The following MRPS25 variants were observed in gnomAD, a reference collection of about 807,000 sequenced individuals.
MRPS25 encodes mitochondrial ribosomal protein S25, also known as small ribosomal subunit protein mS25.
MRPS25 carries 15 observed loss-of-function variants against 17.3 expected under a neutral mutation model. The observed-to-expected ratio is 0.87, with a 90% CI of 0.58 to 1.34. MRPS25 has a LOEUF of 1.34. Ranked by LOEUF, MRPS25 falls within the 40% of genes most tolerant of loss-of-function variation. The pLI is 0.00. For synonymous variants in MRPS25, 94 were observed against 83.3 expected (o/e 1.13, Z -0.70); for missense variants, 225 against 218.6 (o/e 1.03, Z -0.19).
Position 15,065,117 on chromosome 3 carries a change from G to A in MRPS25, c.78C>T (p.Ser26=). ...LSQGNVVFKD[S]VKVMTVNYNT... ...TGTAATTCACTGTCATGACCTTCAC[G>A]GAGTCCTTGAACACCACGTTCCCCT... The change falls in exon 1 of 4, where the codon TCC becomes TCT. Residue 26 remains serine (S), a synonymous_variant. Transcript: ENST00000253686. 1 of 1,609,144 alleles carries A rather than the reference G, an allele frequency of 6.2e-7. No individual in the cohort carries two copies. The highest frequency in any genetic ancestry group is 1.3e-5 in the African/African-American group (1 of 74,980).
chr3:15,055,702 C>T (rs1001642582), intron 2 of MRPS25, among the ~76,000 whole-genome samples: 2 of 152,056 alleles, frequency 1.3e-5, no homozygotes, highest in Admixed American at 6.5e-5. Flanking sequence ...CACTCAACCT[C>T]GGCAACAGTG....
chr3:15,056,406 C>A (rs1358342996), intron 2 of MRPS25, among the ~76,000 whole-genome samples: 1 of 152,158 alleles, frequency 6.6e-6, no homozygotes, highest in Non-Finnish European at 1.5e-5. Context: ...ATCCTAACCC[C>A]CAGAACCTTA....
intron 2 of MRPS25, among the ~76,000 whole-genome samples, chr3:15,057,451 C>A (rs186251713): frequency 1.3e-5 from 2 of 152,320 alleles, no homozygotes; most frequent in African/African-American, 4.8e-5. Flanking sequence ...TACTACCCAG[C>A]CAGAAGCAGC....
chr3:15,062,778 T>C (rs2042795697), intron 1 of MRPS25, among the ~76,000 whole-genome samples: 1 of 152,146 alleles, frequency 6.6e-6, no homozygotes, highest in African/African-American at 2.4e-5. Flanking sequence ...CCCCCAACCC[T>C]GTGCTCTCTG....
rs549227939 is a variant in MRPS25, at chr3:15,060,349, T to TA, written c.135-875dup. Among the ~76,000 whole-genome samples, 295 of 151,610 alleles carry TA rather than the reference T, an allele frequency of 1.9e-3. 2 individuals carry two copies. The highest frequency in any genetic ancestry group is 6.8e-3 in the African/African-American group (279 of 41,320). On this transcript the variant is annotated intron_variant, in intron 1 of 3. Coordinates refer to ENST00000253686, the MANE Select transcript of MRPS25 (RefSeq NM_022497.5). The stretch of plus-strand genomic sequence containing the variant: ...GCAATATAGGGAGACCCTGTCTCTA[T>TA]AAAAAAATTAAAAATTAGCTGGGCA...
chr3:15,065,120 G>C lies in MRPS25; in HGVS notation c.75C>G (p.Asp25Glu), dbSNP rs752917202. 1 of 1,609,380 alleles carries C rather than the reference G, an allele frequency of 6.2e-7. No individual in the cohort carries two copies. Among genetic ancestry groups the C allele is most frequent in the South Asian group, 1.1e-5 (1 of 89,936 alleles). Residue 25 changes from aspartate to glutamate, a missense_variant, in exon 1 of 4, where the codon GAC becomes GAG. Physicochemically the swap from Asp to Glu is conservative, Grantham distance 45. Coordinates refer to ENST00000253686, the MANE Select transcript of MRPS25 (RefSeq NM_022497.5). ...YLSQGNVVFK[D>E]SVKVMTVNYN... ...AATTCACTGTCATGACCTTCACGGA[G>C]TCCTTGAACACCACGTTCCCCTGGC...
At chr3:15,058,334 C>T (rs1481884533) in intron 2 of MRPS25, among the ~76,000 whole-genome samples, 7 of 152,268 alleles carry the variant, frequency 4.6e-5, no homozygotes, top group African/African-American at 9.6e-5. Flanking sequence ...GGACTACAGG[C>T]GCCCACCACC....
In MRPS25 at chr3:15,055,210, A is replaced by C. The variant is rs143920727; in HGVS notation, c.242-1743T>G. On this transcript the variant is annotated intron_variant, in intron 2 of 3. Coordinates refer to ENST00000253686, the MANE Select transcript of MRPS25 (RefSeq NM_022497.5). Reference sequence around the variant, plus strand: ...TTCATGAGAAACCGCCCCCACGGTGACTAGGACTCGTACTCCCATGGAGCA... The same window carrying C: ...TTCATGAGAAACCGCCCCCACGGTGCCTAGGACTCGTACTCCCATGGAGCA... Among the ~76,000 whole-genome samples the C allele has an allele frequency of 4.4e-3, 672 of 152,332 alleles. 1 individual carries two copies. Among genetic ancestry groups the C allele is most frequent in the African/African-American group, 0.015 (642 of 41,566 alleles).
intron 1 of MRPS25, among the ~76,000 whole-genome samples, chr3:15,063,487 C>G (rs6773717): frequency 0.27 from 40,631 of 151,982 alleles, 5,709 homozygotes; most frequent in Middle Eastern, 0.34. Context: ...TGGGGGAGGA[C>G]TGCGGCTAGC....
Position 15,050,820 on chromosome 3 carries a change from C to T in MRPS25, c.*1621G>A, listed in dbSNP as rs1214254499. ...CCCAAACCCAGATCTGGTACAGAAT[C>T]AAACTTGAGCATCAAATGTAAAAGA... On this transcript the variant is annotated 3_prime_UTR_variant, in exon 4 of 4. Coordinates refer to ENST00000253686, the MANE Select transcript of MRPS25 (RefSeq NM_022497.5). The T allele has an allele frequency of 1.0e-6, 1 of 985,198 alleles. No homozygotes were observed. Among genetic ancestry groups the T allele is most frequent in the Non-Finnish European group, 1.2e-6 (1 of 829,886 alleles). 61.0% of individuals were successfully genotyped at this position (985,198 alleles called of 1,614,324 possible).
intron 1 of MRPS25, among the ~76,000 whole-genome samples, chr3:15,061,591 C>T (rs978896407): frequency 3.3e-5 from 5 of 152,222 alleles, no homozygotes; most frequent in Non-Finnish European, 7.3e-5. Flanking sequence ...AGCCGCCTGC[C>T]TTGGCCTCCC....
intron 2 of MRPS25, among the ~76,000 whole-genome samples, chr3:15,055,954 C>T (rs998046176): frequency 1.3e-5 from 2 of 151,504 alleles, no homozygotes; most frequent in African/African-American, 4.9e-5. Flanking sequence ...TGGCTCATGC[C>T]TGTAATCCCA....
rs1271313557 is a variant in MRPS25 at position 15,050,158 on chromosome 3, C to CA, written c.*2282dup. The CA allele has an allele frequency of 3.1e-6, 4 of 1,307,386 alleles. No individual in the cohort carries two copies. Among genetic ancestry groups the CA allele is most frequent in the Non-Finnish European group, 3.9e-6 (4 of 1,035,344 alleles). The allele number at this position is 1,307,386 out of a possible 1,614,324, so 81.0% of individuals were successfully genotyped here. ...CCAGGATCAAGTAGCCTACAGGGAACAAAAAAAGAAAATAATGTTTATTTC... is the reference window on the plus strand; with the variant it reads ...CCAGGATCAAGTAGCCTACAGGGAACAAAAAAAAGAAAATAATGTTTATTTC... On this transcript the variant is annotated 3_prime_UTR_variant, in exon 4 of 4. Transcript: ENST00000253686.
Position 15,050,168 on chromosome 3 carries a change from A to C in MRPS25, c.*2273T>G. 1 of 1,283,930 alleles carries C rather than the reference A, an allele frequency of 7.8e-7. No individual in the cohort carries two copies. The highest frequency in any genetic ancestry group is 9.8e-7 in the Non-Finnish European group (1 of 1,020,362). The allele number at this position is 1,283,930 out of a possible 1,614,324, so 79.5% of individuals were successfully genotyped here. A position where few individuals can be genotyped will look rare whatever the true frequency, so the allele number is the denominator to read the frequency against. ...GTAGCCTACAGGGAACAAAAAAAGA[A>C]AATAATGTTTATTTCCACAAATTAT... is the stretch of plus-strand genomic sequence containing the variant. On this transcript the variant is annotated 3_prime_UTR_variant, in exon 4 of 4. Transcript: ENST00000253686.
At chr3:15,044,206 C>G (rs758655762), downstream of MRPS25, 4 of 152,158 alleles carry the variant, frequency 2.6e-5, no homozygotes, top group Non-Finnish European at 5.9e-5. Flanking sequence ...GGTTTCAGGA[C>G]AATTTCTTCC....
At chr3:15,061,870 G>C (rs1415651411) in intron 1 of MRPS25, among the ~76,000 whole-genome samples, 1 of 148,998 alleles carries the variant, frequency 6.7e-6, no homozygotes, top group Admixed American at 6.7e-5. Flanking sequence ...CAGCCACCCC[G>C]TCTGAGAAGG....
chr3:15,053,410 T>C lies in MRPS25; in HGVS notation c.299A>G (p.Glu100Gly). ...VETKSNKEIM[E>G]HIRKILGKNE... Reference sequence around the variant, plus strand: ...CTTCCCCAAGATTTTTCTGATGTGCTCCATGATCTCCTTATTGCTCTTGGT... The same window carrying C: ...CTTCCCCAAGATTTTTCTGATGTGCCCCATGATCTCCTTATTGCTCTTGGT... Residue 100 changes from glutamate (E) to glycine (G), a missense_variant, in exon 3 of 4, where the codon GAG becomes GGG. Glu to Gly is a moderately conservative substitution (Grantham distance 98, BLOSUM62 -2). Coordinates refer to ENST00000253686, the MANE Select transcript of MRPS25 (RefSeq NM_022497.5). 6.2e-7 allele frequency: 1 copy of C among 1,614,168 alleles called. No individual in the cohort carries two copies. Among genetic ancestry groups the C allele is most frequent in the Non-Finnish European group, 8.5e-7 (1 of 1,180,034 alleles).
chr3:15,045,896 A>T (rs2042432838), downstream of MRPS25: 1 of 152,218 alleles, frequency 6.6e-6, no homozygotes, highest in Non-Finnish European at 1.5e-5. Flanking sequence ...GAGAGGTGGG[A>T]CAGACACATG....
At chr3:15,062,948 G>C (rs919166184) in intron 1 of MRPS25, among the ~76,000 whole-genome samples, 6 of 151,466 alleles carry the variant, frequency 4.0e-5, no homozygotes, top group Non-Finnish European at 8.8e-5. Flanking sequence ...GAAAACCAGA[G>C]ACCTTTGTTC....
Sources: gnomAD v4.1 joint callset for allele counts (sites outside exome capture counted in the v4.1 genomes callset) on GRCh38, gnomAD v4.1.1 for gene constraint, MANE v1.5 for transcripts, NCBI Gene and HGNC (gene_info 2026-07-23, HGNC 2026-07-21) for gene names.